The following CCDC88C variants were observed in gnomAD, a reference collection of about 807,000 sequenced individuals.
CCDC88C encodes the protein coiled-coil and HOOK domain protein 88C.
CCDC88C carries 131 observed loss-of-function variants against 198.8 expected under a neutral mutation model. The ratio of observed to expected loss-of-function variants is 0.66; its 90% CI spans 0.57 to 0.76. CCDC88C has a LOEUF of 0.76. CCDC88C is among the 30% of genes least tolerant of loss of function. CCDC88C has a pLI of 0.00. For missense variants in CCDC88C, 2,553 were observed against 2,631.6 expected (o/e 0.97, Z 0.65); for synonymous variants, 1,166 against 1,114.7 (o/e 1.05, Z -0.92).
intron 29 of CCDC88C, among the ~76,000 whole-genome samples, chr14:91,277,397 T>C (rs1890010448): frequency 6.6e-6 from 1 of 152,210 alleles, no homozygotes; most frequent in African/African-American, 2.4e-5. Flanking sequence ...AATTCAAATG[T>C]CAGTGTCCAT....
intron 2 of CCDC88C, among the ~76,000 whole-genome samples, chr14:91,411,511 T>C (rs556501095): frequency 2.0e-5 from 3 of 152,276 alleles, no homozygotes; most frequent in Admixed American, 6.5e-5. Context: ...CATCTTTATA[T>C]GATAGTCCTA....
intron 2 of CCDC88C, among the ~76,000 whole-genome samples, chr14:91,414,014 C>T (rs1207253176): frequency 1.3e-5 from 2 of 152,146 alleles, no homozygotes; most frequent in Non-Finnish European, 2.9e-5. Flanking sequence ...AAAACAGAGG[C>T]TTAAGTGCAG....
At chr14:91,394,787 G>A (rs902612766) in intron 3 of CCDC88C, among the ~76,000 whole-genome samples, 3 of 152,196 alleles carry the variant, frequency 2.0e-5, no homozygotes, top group Non-Finnish European at 2.9e-5. Context: ...GGAGAAAAAC[G>A]TGCAGGGCTA....
In CCDC88C at chr14:91,325,633, A is replaced by G. The variant is rs1184896755; in HGVS notation, c.1197+277T>C. Among the ~76,000 whole-genome samples the G allele has an allele frequency of 2.0e-5, 3 of 151,970 alleles. No individual in the cohort carries two copies. Among genetic ancestry groups the G allele is most frequent in the Admixed American group, 1.3e-4 (2 of 15,268 alleles). On this transcript the variant is annotated intron_variant, in intron 11 of 29. Coordinates refer to ENST00000389857, the MANE Select transcript of CCDC88C (RefSeq NM_001080414.4). This position sits in a 1 kb window ranked among gnomAD's most constrained non-coding sequence, Gnocchi z 4.1. ...GCTCTATCACCCAGGCTGGAATGCA[A>G]TGGTGTGATCACGGCTCACTGCAGC...
chr14:91,306,934 C>T, intron 18 of CCDC88C, 104 bp downstream of exon 18: 1 of 1,256,732 alleles, frequency 8.0e-7, no homozygotes, highest in Non-Finnish European at 1.1e-6. Context: ...CTGGCTAAAT[C>T]TCCTGTGTTC....
chr14:91,389,358 T>C (rs1405815070), intron 3 of CCDC88C, among the ~76,000 whole-genome samples: 1 of 152,116 alleles, frequency 6.6e-6, no homozygotes, highest in Admixed American at 6.5e-5. Flanking sequence ...CAACAACTGC[T>C]CTTGAAGATG....
chr14:91,344,534 TG>T (rs1893439195), intron 4 of CCDC88C, among the ~76,000 whole-genome samples: 1 of 151,496 alleles, frequency 6.6e-6, no homozygotes, highest in South Asian at 2.1e-4. Context: ...TTTTTTGAGA[TG>T]GAGTCTCGCT....
intron 12 of CCDC88C, 43 bp downstream of exon 12, chr14:91,324,736 C>A (rs375115222): frequency 6.2e-6 from 10 of 1,600,774 alleles, no homozygotes; most frequent in Non-Finnish European, 8.5e-6. Context: ...GAGGCAGCGG[C>A]GGCCACGGCC....
chr14:91,342,924 A>C (rs1191931200), intron 5 of CCDC88C, among the ~76,000 whole-genome samples: 2 of 152,230 alleles, frequency 1.3e-5, no homozygotes, highest in Non-Finnish European at 2.9e-5. Context: ...AACCAGCCAC[A>C]GACAATATGT....
Position 91,278,154 on chromosome 14 carries a change from G to C in CCDC88C, c.4826C>G (p.Pro1609Arg), listed in dbSNP as rs1275113208. ...SESFSSEDLI[P>R]SRDLATLPRE... ...GGGCAAAGTGGCCAGGTCCCTGCTG[G>C]GGATCAGGTCTTCGCTGCTGAAGCT... Residue 1609 changes from proline (P) to arginine (R), a missense_variant, in exon 29 of 30, where the codon CCC becomes CGC. Physicochemically the swap from Pro to Arg is moderately radical, Grantham distance 103. Around this residue, in one of 2 missense-constraint regions of CCDC88C, gnomAD observed 1,293 missense variants for 1,219.6 expected, o/e 1.06. Coordinates refer to ENST00000389857, the MANE Select transcript of CCDC88C (RefSeq NM_001080414.4). 1.9e-6 allele frequency: 3 copies of C among 1,613,096 alleles called. No homozygotes were observed. In the African/African-American group the frequency reaches 4.0e-5, roughly 21 times the overall value.
At chr14:91,354,959 C>G (rs1435462762) in intron 4 of CCDC88C, among the ~76,000 whole-genome samples, 1 of 152,174 alleles carries the variant, frequency 6.6e-6, no homozygotes, top group Non-Finnish European at 1.5e-5. Context: ...GCAGGAGAGA[C>G]AGGTGGGGCC....
chr14:91,330,549 C>T (rs1648751377), intron 10 of CCDC88C, among the ~76,000 whole-genome samples: 1 of 152,214 alleles, frequency 6.6e-6, no homozygotes, highest in African/African-American at 2.4e-5. Context: ...CACTCTTCAA[C>T]ACCCGCCTCC....
chr14:91,312,988 C>T, intron 15 of CCDC88C, 92 bp downstream of exon 15: 1 of 964,714 alleles, frequency 1.0e-6, no homozygotes. Flanking sequence ...AAGGAGGACA[C>T]AGAGTCTTAT....
Position 91,300,053 on chromosome 14 carries a change from TTC to T in CCDC88C, c.3651_3652del (p.Lys1218AlafsTer15). 1.9e-6 allele frequency: 3 copies of T among 1,608,602 alleles called. No individual in the cohort carries two copies. Among genetic ancestry groups the T allele is most frequent in the Non-Finnish European group, 2.5e-6 (3 of 1,177,876 alleles). ...CCGCTCCTCCAGCTCCGCCTTGCGC[TTC>T]AGCATGTCACCGTGCCTGTTGGAGG... On this transcript the variant is annotated frameshift_variant, in exon 21 of 30. Transcript: ENST00000389857. LOFTEE classifies it high-confidence loss of function.
chr14:91,285,794 T>C, intron 25 of CCDC88C: 1 of 1,289,076 alleles, frequency 7.8e-7, no homozygotes, highest in Non-Finnish European at 1.0e-6. Context: ...GTCTTTGTCC[T>C]TGTTTTTGCT....
intron 2 of CCDC88C, among the ~76,000 whole-genome samples, chr14:91,414,171 C>G (rs1567130920): frequency 6.6e-6 from 1 of 152,202 alleles, no homozygotes. Flanking sequence ...AAAAAAAGAA[C>G]TTTTAGTTGG....
chr14:91,378,373 C>T (rs1253513354), intron 3 of CCDC88C, among the ~76,000 whole-genome samples: 1 of 152,176 alleles, frequency 6.6e-6, no homozygotes, highest in East Asian at 1.9e-4. Context: ...CAGCTTGGGG[C>T]CCGGGGAGCG....
chr14:91,276,574 A>T (rs1182418894), intron 29 of CCDC88C, among the ~76,000 whole-genome samples: 1 of 152,238 alleles, frequency 6.6e-6, no homozygotes, highest in Admixed American at 6.5e-5. Context: ...GGTGCTCAAT[A>T]AATATCTACC....
intron 6 of CCDC88C, 187 bp downstream of exon 6, chr14:91,342,193 G>T: frequency 2.4e-6 from 1 of 414,090 alleles, no homozygotes; most frequent in Non-Finnish European, 4.3e-6. Context: ...TTTTATTTTA[G>T]CTGGCTGATT....
Sources: allele counts gnomAD v4.1 joint callset (sites outside exome capture counted in the v4.1 genomes callset), GRCh38; gene constraint gnomAD v4.1.1; regional missense constraint gnomAD v4.1.1; non-coding constraint Gnocchi (gnomAD v3.1); transcripts MANE v1.5; gene names NCBI Gene and HGNC (gene_info 2026-07-23, HGNC 2026-07-21).